The following ZNF277 variants were observed in gnomAD, a reference collection of about 807,000 sequenced individuals.
ZNF277 encodes the protein zinc finger protein 277.
A neutral mutation model predicts 60.7 loss-of-function variants in ZNF277; 55 were observed. The observed-to-expected ratio is 0.91, with a 90% CI of 0.73 to 1.13. The LOEUF is 1.13. ZNF277 is among the 50% of genes most tolerant of loss of function. ZNF277 has a pLI of 0.00. For synonymous variants in ZNF277, 178 were observed against 179.3 expected, an observed-to-expected ratio of 0.99 and a Z score of 0.06; for missense variants, 510 against 523.0, an observed-to-expected ratio of 0.98 and a Z score of 0.24.
intron 5 of ZNF277, among the ~76,000 whole-genome samples, chr7:112,326,748 G>A (rs1003550188): frequency 4.6e-5 from 7 of 151,552 alleles, no homozygotes; most frequent in African/African-American, 9.7e-5. Flanking sequence ...TTTGGGGGGG[G>A]ACCAGGTAAG....
At chr7:112,306,021 A>G (rs376987858) in intron 4 of ZNF277, among the ~76,000 whole-genome samples, 30 of 152,182 alleles carry the variant, frequency 2.0e-4, no homozygotes, top group African/African-American at 7.2e-4. Flanking sequence ...AACAGGACAG[A>G]CCTTTTTCTG....
intron 1 of ZNF277, among the ~76,000 whole-genome samples, chr7:112,272,786 AC>A (rs1791703840): frequency 6.6e-6 from 1 of 152,142 alleles, no homozygotes; most frequent in South Asian, 2.1e-4. Flanking sequence ...GAGCCACTGT[AC>A]CCGGCCTTAT....
intron 1 of ZNF277, among the ~76,000 whole-genome samples, chr7:112,226,884 G>A (rs147114516): frequency 6.6e-6 from 1 of 152,024 alleles, no homozygotes; most frequent in African/African-American, 2.4e-5. Flanking sequence ...TTTTTAGACA[G>A]CTTCAAAATG....
intron 1 of ZNF277, among the ~76,000 whole-genome samples, chr7:112,271,776 G>A (rs1163737317): frequency 6.7e-6 from 1 of 150,358 alleles, no homozygotes; most frequent in Non-Finnish European, 1.5e-5. Flanking sequence ...TGATGCTTCT[G>A]ACATTCTTTT....
At chr7:112,293,659 T>G (rs1584385362) in intron 2 of ZNF277, among the ~76,000 whole-genome samples, 1 of 152,308 alleles carries the variant, frequency 6.6e-6, no homozygotes, top group East Asian at 1.9e-4. Context: ...GGTCATCTGT[T>G]CCACATGGTT....
chr7:112,231,531 C>G (rs1390295040), intron 1 of ZNF277, among the ~76,000 whole-genome samples: 1 of 151,844 alleles, frequency 6.6e-6, no homozygotes, highest in Non-Finnish European at 1.5e-5. Flanking sequence ...TCTCTGAAGT[C>G]TCTGATGAAT....
rs1202955540 is a variant in ZNF277 at position 112,206,750 on chromosome 7, C to T, written c.34C>T (p.Arg12Ter). The change falls in exon 1 of 12, where the codon CGA (arginine) becomes TGA (stop). Residue 12 changes from arginine to a stop codon, truncating the protein, a stop_gained. Transcript: ENST00000361822. LOFTEE classifies it high-confidence loss of function. Reference sequence around the variant, plus strand: ...TTCCAAGACCCAGGGGGCTGTCGCCCGAATGCAGGAAGACCGTGATGGGAG... The same window carrying T: ...TTCCAAGACCCAGGGGGCTGTCGCCTGAATGCAGGAAGACCGTGATGGGAG... ...AASKTQGAVA[R>*]MQEDRDGSCS... The T allele has an allele frequency of 1.2e-6, 2 of 1,613,052 alleles. No individual in the cohort carries two copies. The highest frequency in any genetic ancestry group is 1.7e-6 in the Non-Finnish European group (2 of 1,179,592).
At chr7:112,263,615 G>A (rs1791482381) in intron 1 of ZNF277, among the ~76,000 whole-genome samples, 2 of 152,096 alleles carry the variant, frequency 1.3e-5, no homozygotes, top group South Asian at 2.1e-4. Flanking sequence ...TCTCAAATTT[G>A]TCTCACTCCT....
In ZNF277 at chr7:112,343,892, G is replaced by A. The variant is rs574259588; in HGVS notation, c.*1163G>A. 1.3e-5 allele frequency among the ~76,000 whole-genome samples: 2 copies of A among 148,856 alleles called. No homozygotes were observed. Among genetic ancestry groups the A allele is most frequent in the South Asian group, 4.3e-4 (2 of 4,692 alleles). On this transcript the variant is annotated 3_prime_UTR_variant, in exon 12 of 12. Transcript: ENST00000361822. The stretch of plus-strand genomic sequence containing the variant: ...AGTGAGCCGAGATCACACCACTGCA[G>A]TTCAGCCTGGGCAACAGACCAAGAC...
chr7:112,271,336 C>A (rs80107363), intron 1 of ZNF277, among the ~76,000 whole-genome samples: 5,276 of 152,160 alleles, frequency 0.035, 157 homozygotes, highest in East Asian at 0.12. Flanking sequence ...TCATTTTATT[C>A]CCTCATCCTT....
At chr7:112,312,973 TGG>T (rs1247425388) in intron 4 of ZNF277, among the ~76,000 whole-genome samples, 1 of 152,068 alleles carries the variant, frequency 6.6e-6, no homozygotes, top group Non-Finnish European at 1.5e-5. Context: ...AAGTGAAAAA[TGG>T]TCAAAAGTAT....
intron 1 of ZNF277, among the ~76,000 whole-genome samples, chr7:112,239,274 T>C (rs961830560): frequency 1.3e-5 from 2 of 152,190 alleles, no homozygotes; most frequent in African/African-American, 2.4e-5. Flanking sequence ...CCCTAGCTCC[T>C]GGACAGTATT....
chr7:112,320,953 A>ACTCTGTCG (rs1175038638), intron 5 of ZNF277, among the ~76,000 whole-genome samples: 1 of 111,996 alleles, frequency 8.9e-6, no homozygotes, highest in East Asian at 2.4e-4. Flanking sequence ...ATGGAGTCTC[A>ACTCTGTCG]CTCTGTCGCC....
At chr7:112,243,424 C>A (rs1415281408) in intron 1 of ZNF277, among the ~76,000 whole-genome samples, 1 of 151,018 alleles carries the variant, frequency 6.6e-6, no homozygotes, top group Non-Finnish European at 1.5e-5. Flanking sequence ...TACTTGCAAA[C>A]TGTGTATCTG....
intron 7 of ZNF277, among the ~76,000 whole-genome samples, chr7:112,333,015 G>T (rs1433667827): frequency 1.3e-5 from 2 of 152,036 alleles, no homozygotes; most frequent in African/African-American, 4.8e-5. Flanking sequence ...ATAAAGGCCA[G>T]TGTCTTCTCA....
intron 1 of ZNF277, among the ~76,000 whole-genome samples, chr7:112,244,625 A>AT (rs1319371187): frequency 3.9e-5 from 6 of 152,138 alleles, no homozygotes; most frequent in Admixed American, 6.5e-5. Context: ...AGTTAGATGT[A>AT]TTTTCCCTAA....
intron 1 of ZNF277, among the ~76,000 whole-genome samples, chr7:112,251,647 C>G (rs1314927989): frequency 1.3e-5 from 2 of 151,996 alleles, no homozygotes; most frequent in African/African-American, 4.8e-5. Context: ...CTAGTGATAC[C>G]CTTGGACCTG....
At chr7:112,271,447 A>T (rs1394587382) in intron 1 of ZNF277, among the ~76,000 whole-genome samples, 1 of 152,194 alleles carries the variant, frequency 6.6e-6, no homozygotes, top group Non-Finnish European at 1.5e-5. Context: ...GTCACTGAGA[A>T]CATAGAGTAA....
chr7:112,332,942 T>G (rs1793255311), intron 7 of ZNF277, among the ~76,000 whole-genome samples: 1 of 152,082 alleles, frequency 6.6e-6, no homozygotes, highest in South Asian at 2.1e-4. Context: ...TAAAGTATAA[T>G]ATTATATAGA....
Sources: allele counts gnomAD v4.1 joint callset (sites outside exome capture counted in the v4.1 genomes callset), GRCh38; gene constraint gnomAD v4.1.1; transcripts MANE v1.5; gene names NCBI Gene and HGNC (gene_info 2026-07-23, HGNC 2026-07-21).